CHN1: variants seen among roughly 807,000 people sequenced by gnomAD.
The protein encoded by CHN1 is chimerin 1.
Under a neutral mutation model 59.5 loss-of-function variants are expected in CHN1, and 37 were observed. The observed-to-expected ratio is 0.62, with a 90% CI of 0.48 to 0.82. The LOEUF (loss-of-function observed/expected upper bound fraction) is 0.82, where lower values mean the gene tolerates loss of function less well. Ranked by LOEUF, CHN1 falls within the 40% of genes least tolerant of loss-of-function variation. The pLI, the probability that CHN1 is intolerant of heterozygous loss-of-function variation, is 0.00. For missense variants in CHN1, 469 were observed against 571.0 expected (o/e 0.82, Z 1.82); for synonymous variants, 206 against 200.4 (o/e 1.03, Z -0.24).
At chr2:174,872,682 T>C (rs923182336) in intron 6 of CHN1, among the ~76,000 whole-genome samples, 2 of 152,124 alleles carry the variant, frequency 1.3e-5, no homozygotes, top group Admixed American at 6.5e-5. Flanking sequence ...AGCCCTTTGC[T>C]CCTAACACAA....
chr2:174,801,726 G>GGT lies in CHN1; in HGVS notation c.1187_1188dup (p.Leu397ThrfsTer6). On this transcript the variant is annotated frameshift_variant, in exon 12 of 13. Coordinates refer to ENST00000409900, the MANE Select transcript of CHN1 (RefSeq NM_001822.7). LOFTEE classifies it high-confidence loss of function. The stretch of plus-strand genomic sequence containing the variant: ...GCTTGCCTCTTTAGATGTGCCATGA[G>GGT]GTACCGGAGGGTTTCGCAGTGAGCA... 1 of 1,613,158 alleles carries GGT rather than the reference G, an allele frequency of 6.2e-7. No individual in the cohort carries two copies. The highest frequency in any genetic ancestry group is 8.5e-7 in the Non-Finnish European group (1 of 1,179,288).
chr2:174,975,709 A>C (rs962042261), intron 1 of CHN1, among the ~76,000 whole-genome samples: 2 of 152,104 alleles, frequency 1.3e-5, no homozygotes, highest in African/African-American at 2.4e-5. Flanking sequence ...GATATAAACT[A>C]GATGTATTTG....
At chr2:174,911,544 C>T (rs1688701363) in intron 5 of CHN1, among the ~76,000 whole-genome samples, 2 of 152,070 alleles carry the variant, frequency 1.3e-5, no homozygotes, top group South Asian at 4.2e-4. Flanking sequence ...GGTAGAAAAG[C>T]CAGACAAGGC....
chr2:174,841,696 ATTTAAATTT>A (rs1686308157), intron 7 of CHN1, among the ~76,000 whole-genome samples: 1 of 152,188 alleles, frequency 6.6e-6, no homozygotes. Flanking sequence ...ATTTAAAATT[ATTTAAATTT>A]CCAAGTAAAA....
intron 1 of CHN1, among the ~76,000 whole-genome samples, chr2:175,003,842 T>A (rs573420647): frequency 6.3e-4 from 96 of 152,338 alleles, no homozygotes; most frequent in African/African-American, 2.0e-3. Flanking sequence ...GGTCTAAGTT[T>A]AATTTATAAA....
chr2:174,889,272 GT>G (rs35776255), intron 5 of CHN1, among the ~76,000 whole-genome samples: 6,821 of 150,740 alleles, frequency 0.045, 219 homozygotes, highest in African/African-American at 0.084. Context: ...GGAAAAGGTG[GT>G]TTTTTTTTCA....
chr2:174,910,890 ACTC>A (rs1462707704), intron 5 of CHN1, among the ~76,000 whole-genome samples: 2 of 130,624 alleles, frequency 1.5e-5, no homozygotes, highest in Non-Finnish European at 3.1e-5. Context: ...ACAGAACGAG[ACTC>A]CGTCTCAAAA....
intron 5 of CHN1, among the ~76,000 whole-genome samples, chr2:174,892,596 A>G (rs930778529): frequency 6.6e-6 from 1 of 152,200 alleles, no homozygotes; most frequent in Non-Finnish European, 1.5e-5. Context: ...ACAGGAAGGA[A>G]TATTTCCAAA....
At chr2:174,899,571 C>A (rs1254677329) in intron 5 of CHN1, among the ~76,000 whole-genome samples, 5 of 152,190 alleles carry the variant, frequency 3.3e-5, no homozygotes, top group African/African-American at 7.2e-5. Flanking sequence ...ACACAAGCAT[C>A]TATATAACAT....
chr2:175,003,559 T>C (rs1359780591), intron 1 of CHN1, among the ~76,000 whole-genome samples: 1 of 152,252 alleles, frequency 6.6e-6, no homozygotes, highest in Admixed American at 6.5e-5. Flanking sequence ...AGAAAATGTT[T>C]GTACCAAAAA....
At chr2:174,859,276 G>A (rs1322539772) in intron 6 of CHN1, among the ~76,000 whole-genome samples, 1 of 151,928 alleles carries the variant, frequency 6.6e-6, no homozygotes. Context: ...TAAAACTAAC[G>A]CTCTAGGAAG....
chr2:175,001,260 A>C (rs1691880997), intron 1 of CHN1, among the ~76,000 whole-genome samples: 1 of 152,258 alleles, frequency 6.6e-6, no homozygotes, highest in African/African-American at 2.4e-5. Flanking sequence ...GTCAGCAGAG[A>C]GTATAGTCAA....
chr2:174,967,378 A>G (rs1690624366), intron 1 of CHN1, among the ~76,000 whole-genome samples: 1 of 152,148 alleles, frequency 6.6e-6, no homozygotes, highest in South Asian at 2.1e-4. Flanking sequence ...AAATTAAATT[A>G]AAATGCAATA....
chr2:174,836,082 C>T (rs1006619306), intron 7 of CHN1, among the ~76,000 whole-genome samples: 26 of 152,162 alleles, frequency 1.7e-4, no homozygotes, highest in South Asian at 2.1e-4. Context: ...CTGCTTTGCA[C>T]CTCCCCCACG....
intron 6 of CHN1, chr2:174,847,322 C>A: frequency 7.6e-7 from 1 of 1,313,282 alleles, no homozygotes; most frequent in Non-Finnish European, 9.6e-7. Context: ...CCAGCAAATT[C>A]TTCTTTCTTC....
In CHN1 at chr2:174,935,397, A is replaced by G. The variant is rs548857443; in HGVS notation, c.114+9491T>C. On this transcript the variant is annotated intron_variant, in intron 3 of 12. Coordinates refer to ENST00000409900, the MANE Select transcript of CHN1 (RefSeq NM_001822.7). Reference sequence around the variant, plus strand: ...AAGAACCAGAGCATCTCTAACAGATATAGGTATTAATGCACACATTTTGTA... The same window carrying G: ...AAGAACCAGAGCATCTCTAACAGATGTAGGTATTAATGCACACATTTTGTA... 5.9e-5 allele frequency among the ~76,000 whole-genome samples: 9 copies of G among 152,368 alleles called. No individual in the cohort carries two copies. In the South Asian group the frequency reaches 1.9e-3, roughly 32 times the overall value.
intron 3 of CHN1, among the ~76,000 whole-genome samples, chr2:174,922,559 C>G (rs969605499): frequency 6.6e-6 from 1 of 151,976 alleles, no homozygotes; most frequent in Non-Finnish European, 1.5e-5. Context: ...TTGGTGGTGG[C>G]ACATGCCTGT....
At chr2:174,843,815 C>T (rs1450188782) in intron 7 of CHN1, among the ~76,000 whole-genome samples, 1 of 151,940 alleles carries the variant, frequency 6.6e-6, no homozygotes, top group Non-Finnish European at 1.5e-5. Flanking sequence ...AGCAATTGAC[C>T]CAAGGTGGTG....
rs138852854 is a variant in CHN1 at position 174,927,483 on chromosome 2, G to A, written c.115-8918C>T. On this transcript the variant is annotated intron_variant, in intron 3 of 12. Transcript: ENST00000409900. ...AGCTTTTTTAATGTAGAAGTATTTT[G>A]CTCTCCACAGGAAATTTGAAAACAC... Among the ~76,000 whole-genome samples, 675 of 152,192 alleles carry A rather than the reference G, an allele frequency of 4.4e-3. 5 individuals are homozygous for A. Among genetic ancestry groups the A allele is most frequent in the African/African-American group, 0.015 (636 of 41,530 alleles).
Sources: allele counts gnomAD v4.1 joint callset (sites outside exome capture counted in the v4.1 genomes callset), GRCh38; gene constraint gnomAD v4.1.1; transcripts MANE v1.5; gene names NCBI Gene and HGNC (gene_info 2026-07-23, HGNC 2026-07-21).